Variants in PEX14 observed in about 807,000 individuals in gnomAD.
The protein encoded by PEX14 is peroxisomal biogenesis factor 14.
A neutral mutation model predicts 49.5 loss-of-function variants in PEX14; 15 were observed. The ratio of observed to expected loss-of-function variants is 0.30; its 90% confidence interval spans 0.20 to 0.47. The LOEUF is 0.47. PEX14 is among the 20% of genes least tolerant of loss of function. The probability of loss-of-function intolerance (pLI) is 1.00; values close to 1 mark genes in which losing one functional copy is unlikely to be tolerated. For missense variants in PEX14, 398 were observed against 494.8 expected (o/e 0.80, Z 1.86); for synonymous variants, 210 against 212.7 (o/e 0.99, Z 0.11).
chr1:10,565,348 G>A (rs116105442), intron 3 of PEX14, among the ~76,000 whole-genome samples: 2,237 of 152,290 alleles, frequency 0.015, 47 homozygotes, highest in African/African-American at 0.051. Context: ...CCTGAGTCAG[G>A]TTGCAGGGTT....
intron 3 of PEX14, among the ~76,000 whole-genome samples, chr1:10,595,815 C>CA (rs756383061): frequency 2.2e-4 from 33 of 150,896 alleles, no homozygotes; most frequent in East Asian, 7.8e-4. Context: ...AAAACAACAA[C>CA]AAAAAAAAGG....
intron 1 of PEX14, among the ~76,000 whole-genome samples, chr1:10,492,008 T>A (rs915132031): frequency 1.3e-5 from 2 of 152,178 alleles, no homozygotes; most frequent in African/African-American, 4.8e-5. Context: ...ATGCTTTGAA[T>A]ATCCTTGGCA....
chr1:10,577,540 A>ATATATATATATATATG (rs1553192607), intron 3 of PEX14, among the ~76,000 whole-genome samples: 2 of 2,972 alleles, frequency 6.7e-4, no homozygotes, highest in Non-Finnish European at 2.4e-3. Context: ...ATATATATAT[A>ATATATATATATATATG]TATATATATA....
intron 1 of PEX14, among the ~76,000 whole-genome samples, chr1:10,493,040 G>C (rs1236437970): frequency 6.6e-6 from 1 of 152,166 alleles, no homozygotes; most frequent in Non-Finnish European, 1.5e-5. Context: ...AGGGAAGGAA[G>C]GGCATGTGCA....
At chr1:10,577,290 G>A (rs1208304661) in intron 3 of PEX14, among the ~76,000 whole-genome samples, 1 of 149,502 alleles carries the variant, frequency 6.7e-6, no homozygotes, top group African/African-American at 2.5e-5. Flanking sequence ...CCAGCTACTT[G>A]GGAGGCTGAG....
At chr1:10,554,668 G>A (rs999256119) in intron 3 of PEX14, among the ~76,000 whole-genome samples, 9 of 152,078 alleles carry the variant, frequency 5.9e-5, no homozygotes, top group Non-Finnish European at 8.8e-5. Flanking sequence ...CTGGTTTGGC[G>A]GTAAATTATG....
chr1:10,488,985 A>AT (rs1169610662), intron 1 of PEX14, among the ~76,000 whole-genome samples: 2 of 151,930 alleles, frequency 1.3e-5, no homozygotes, highest in South Asian at 4.2e-4. Flanking sequence ...TTTAAATTAA[A>AT]TTTTATGTTT....
intron 3 of PEX14, among the ~76,000 whole-genome samples, chr1:10,598,901 A>T (rs1160941425): frequency 1.3e-5 from 2 of 151,602 alleles, no homozygotes; most frequent in Non-Finnish European, 2.9e-5. Flanking sequence ...ACACCATTAC[A>T]GATTAAAATG....
At chr1:10,515,362 A>G (rs1557821515) in intron 2 of PEX14, among the ~76,000 whole-genome samples, 2 of 152,312 alleles carry the variant, frequency 1.3e-5, no homozygotes, top group East Asian at 3.9e-4. Flanking sequence ...TAATGTAAAT[A>G]CATTAATGCA....
At position 10,562,861 on chromosome 1, in the gene PEX14, A is replaced by C. The variant is rs151041943; in HGVS notation, c.169+26564A>C. Among the ~76,000 whole-genome samples, 641 of 151,982 alleles carry C rather than the reference A, an allele frequency of 4.2e-3. 6 individuals are homozygous for C. Among genetic ancestry groups the C allele is most frequent in the African/African-American group, 0.015 (610 of 41,490 alleles). On this transcript the variant is annotated intron_variant, in intron 3 of 8. Transcript: ENST00000356607. The stretch of plus-strand genomic sequence containing the variant: ...TTATTATGAAGATTGCTGAATCTTC[A>C]TATCAGTTATTATGAGGATTGCTGA...
At chr1:10,517,646 A>G (rs1351203330) in intron 2 of PEX14, among the ~76,000 whole-genome samples, 3 of 133,624 alleles carry the variant, frequency 2.2e-5, no homozygotes, top group Admixed American at 2.2e-4. Flanking sequence ...CTTTCTTTCC[A>G]TTTTGTTCTT....
rs1351386007 is a variant in PEX14 at position 10,514,303 on chromosome 1, G to A, written c.84+18982G>A. On this transcript the variant is annotated intron_variant, in intron 2 of 8. Transcript: ENST00000356607. The surrounding 1 kb of genome is among the most constrained non-coding windows in gnomAD (Gnocchi z 4.4). ...ATTTGTACGGTGCTGCTCAGCCCAC[G>A]TATTGTGCATCTGTATGTGTGTATG... Among the ~76,000 whole-genome samples the A allele has an allele frequency of 6.6e-6, 1 of 151,912 alleles. No individual in the cohort carries two copies. Among genetic ancestry groups the A allele is most frequent in the Non-Finnish European group, 1.5e-5 (1 of 67,998 alleles).
At chr1:10,546,794 G>A (rs1332588941) in intron 3 of PEX14, among the ~76,000 whole-genome samples, 3 of 142,986 alleles carry the variant, frequency 2.1e-5, no homozygotes, top group African/African-American at 7.8e-5. Context: ...GCGTGAACCC[G>A]GGAGGCGGAG....
intron 2 of PEX14, among the ~76,000 whole-genome samples, chr1:10,500,435 G>A (rs1258853870): frequency 2.0e-5 from 3 of 148,164 alleles, no homozygotes; most frequent in Admixed American, 1.4e-4. Flanking sequence ...CCGGTTGCCT[G>A]TCTGCCAAAG....
At chr1:10,564,595 CTTTTTTTTTTTT>C (rs58926587) in intron 3 of PEX14, among the ~76,000 whole-genome samples, 1 of 107,142 alleles carries the variant, frequency 9.3e-6, no homozygotes, top group Non-Finnish European at 2.0e-5. Flanking sequence ...CTTTTTCTTT[CTTTTTTTTTTTT>C]TTTTTTGTAG....
chr1:10,624,456 C>T lies in PEX14; in HGVS notation c.585+19C>T, dbSNP rs1159229053. The stretch of plus-strand genomic sequence containing the variant: ...TGCCAAGGTACCTGTCTCTGCTGCA[C>T]AGGGCCCTCCAGGCCCAGGTCTGTC... On this transcript the variant is annotated intron_variant, in intron 7 of 8. Coordinates refer to ENST00000356607, the MANE Select transcript of PEX14 (RefSeq NM_004565.3). 9.3e-6 allele frequency: 14 copies of T among 1,507,580 alleles called. No homozygotes were observed. Among genetic ancestry groups the T allele is most frequent in the Non-Finnish European group, 1.3e-5 (14 of 1,083,552 alleles). The allele number at this position is 1,507,580 out of a possible 1,614,324, so 93.4% of individuals were successfully genotyped here.
At chr1:10,601,691 C>T (rs1025312648) in intron 4 of PEX14, among the ~76,000 whole-genome samples, 39 of 152,240 alleles carry the variant, frequency 2.6e-4, no homozygotes, top group Admixed American at 2.6e-3. Flanking sequence ...GCACCTGTGA[C>T]TTGTCAGCTT....
At chr1:10,540,383 G>T (rs759403433) in intron 3 of PEX14, among the ~76,000 whole-genome samples, 7 of 152,044 alleles carry the variant, frequency 4.6e-5, no homozygotes, top group Non-Finnish European at 8.8e-5. Context: ...ATGGAATCTC[G>T]TTACCATGAA....
intron 1 of PEX14, among the ~76,000 whole-genome samples, chr1:10,490,240 T>G (rs1374407912): frequency 6.6e-6 from 1 of 152,102 alleles, no homozygotes; most frequent in Non-Finnish European, 1.5e-5. Flanking sequence ...AATCTTATTC[T>G]TCCCAGCAGA....
Sources: allele counts gnomAD v4.1 joint callset (sites outside exome capture counted in the v4.1 genomes callset), GRCh38; gene constraint gnomAD v4.1.1; non-coding constraint Gnocchi (gnomAD v3.1); transcripts MANE v1.5; gene names NCBI Gene and HGNC (gene_info 2026-07-23, HGNC 2026-07-21).